The following DLC1 variants were observed in gnomAD, a reference collection of about 807,000 sequenced individuals.
DLC1 encodes the protein DLC1 Rho GTPase activating protein.
DLC1 carries 54 observed loss-of-function variants against 140.3 expected under a neutral mutation model. The observed-to-expected ratio is 0.38, with a 90% CI of 0.31 to 0.48. The LOEUF (loss-of-function observed/expected upper bound fraction) is 0.48. Among genes scored for constraint, DLC1 ranks in the 20% least tolerant of loss-of-function variants. The probability of loss-of-function intolerance (pLI) is 0.96; values close to 1 mark genes in which losing one functional copy is unlikely to be tolerated. For missense variants in DLC1, 2,536 were observed against 1,907.0 expected, an observed-to-expected ratio of 1.33 and a Z score of -6.14; for synonymous variants, 986 against 728.1, an observed-to-expected ratio of 1.35 and a Z score of -5.70.
At chr8:13,576,993 G>T (rs1804863367) in intron 1 of DLC1, among the ~76,000 whole-genome samples, 1 of 152,166 alleles carries the variant, frequency 6.6e-6, no homozygotes, top group Admixed American at 6.5e-5. Flanking sequence ...ACTGTGAAGT[G>T]CTTACTGCTT....
At chr8:13,491,983 A>G (rs922006110) in intron 2 of DLC1, among the ~76,000 whole-genome samples, 5 of 152,202 alleles carry the variant, frequency 3.3e-5, no homozygotes, top group Admixed American at 3.3e-4. Context: ...TTAGTTAGCA[A>G]TGGTGGAATC....
chr8:13,130,319 C>T (rs1821974198), intron 5 of DLC1, among the ~76,000 whole-genome samples: 1 of 152,174 alleles, frequency 6.6e-6, no homozygotes. Flanking sequence ...AATAGTTCTA[C>T]AAATAAGAGT....
At chr8:13,086,176 T>A in intron 17 of DLC1, 114 bp downstream of exon 17, 1 of 1,426,820 alleles carries the variant, frequency 7.0e-7, no homozygotes, top group Non-Finnish European at 9.4e-7. Flanking sequence ...CCATTCTTCA[T>A]GAAGTCACCA....
At chr8:13,428,739 G>A (rs912404303) in intron 2 of DLC1, among the ~76,000 whole-genome samples, 2 of 152,114 alleles carry the variant, frequency 1.3e-5, no homozygotes, top group Middle Eastern at 3.4e-3. Flanking sequence ...GCCATTTAAC[G>A]TGATGGGATA....
At chr8:13,407,585 G>T (rs1170905536) in intron 2 of DLC1, among the ~76,000 whole-genome samples, 1 of 152,174 alleles carries the variant, frequency 6.6e-6, no homozygotes, top group Non-Finnish European at 1.5e-5. Flanking sequence ...ATACCCAGAT[G>T]CTTCCAAATA....
chr8:13,304,855 T>C, intron 5 of DLC1: 3 of 986,018 alleles, frequency 3.0e-6, no homozygotes, highest in Non-Finnish European at 3.6e-6. Flanking sequence ...CACTATATTT[T>C]TGATAGTATG....
intron 5 of DLC1, among the ~76,000 whole-genome samples, chr8:13,178,651 GTT>G (rs35235319): frequency 6.9e-6 from 1 of 145,244 alleles, no homozygotes; most frequent in African/African-American, 2.5e-5. Context: ...GTGGAAGAAG[GTT>G]TTTTTTTTTG....
intron 4 of DLC1, among the ~76,000 whole-genome samples, chr8:13,360,413 C>G (rs748478396): frequency 4.6e-5 from 7 of 152,152 alleles, no homozygotes; most frequent in Non-Finnish European, 8.8e-5. Context: ...ATCACTGTAG[C>G]CAGGGTTGCA....
chr8:13,394,643 G>A (rs1185193873), intron 3 of DLC1, among the ~76,000 whole-genome samples: 1 of 152,114 alleles, frequency 6.6e-6, no homozygotes, highest in African/African-American at 2.4e-5. Context: ...ATATCTCTAT[G>A]TATCCTCTTT....
chr8:13,116,133 A>T (rs969207533), intron 5 of DLC1: 1 of 986,930 alleles, frequency 1.0e-6, no homozygotes, highest in African/African-American at 1.7e-5. Context: ...TGGGTGTTTC[A>T]AAAGCCCCTG....
At chr8:13,282,769 T>A (rs544079634) in intron 5 of DLC1, among the ~76,000 whole-genome samples, 1 of 152,336 alleles carries the variant, frequency 6.6e-6, no homozygotes, top group East Asian at 1.9e-4. Flanking sequence ...TTATGATTAC[T>A]TGAACTGCTT....
chr8:13,249,970 G>C (rs1042287223), intron 5 of DLC1, among the ~76,000 whole-genome samples: 7 of 152,050 alleles, frequency 4.6e-5, no homozygotes, highest in Admixed American at 3.9e-4. Flanking sequence ...AGGATGGCTT[G>C]GGGGGCCTCT....
chr8:13,563,004 T>C (rs1804296200), intron 1 of DLC1, among the ~76,000 whole-genome samples: 2 of 152,088 alleles, frequency 1.3e-5, no homozygotes, highest in South Asian at 2.1e-4. Flanking sequence ...ATTTATATTT[T>C]CAAAACATTT....
At chr8:13,242,576 T>A (rs770799601) in intron 5 of DLC1, among the ~76,000 whole-genome samples, 57 of 152,142 alleles carry the variant, frequency 3.7e-4, no homozygotes, top group Admixed American at 9.2e-4. Flanking sequence ...TAATTTTTTG[T>A]ACAGACAGAG....
intron 4 of DLC1, among the ~76,000 whole-genome samples, chr8:13,373,218 T>G (rs1017410190): frequency 2.0e-5 from 3 of 152,174 alleles, no homozygotes; most frequent in Admixed American, 1.3e-4. Context: ...GACTGAATTA[T>G]GAATCTTTTT....
chr8:13,393,535 T>A lies in DLC1; in HGVS notation c.1314+18A>T. Reference sequence around the variant, plus strand: ...AACATTTACACGTAGAGACTCTCTGTTATTATTTAGAACTCACCGTAGTCT... The same window carrying A: ...AACATTTACACGTAGAGACTCTCTGATATTATTTAGAACTCACCGTAGTCT... On this transcript the variant is annotated intron_variant, in intron 4 of 17. Transcript: ENST00000276297. 6.2e-7 allele frequency: 1 copy of A among 1,609,366 alleles called. No individual in the cohort carries two copies. The highest frequency in any genetic ancestry group is 2.2e-5 in the East Asian group (1 of 44,848).
chr8:13,584,418 T>C (rs1046208766), intron 1 of DLC1: 1 of 152,804 alleles, frequency 6.5e-6, no homozygotes, highest in African/African-American at 2.4e-5. Context: ...CTGCTCCTCA[T>C]CTATGGCAGT....
intron 1 of DLC1, among the ~76,000 whole-genome samples, chr8:13,570,851 C>A (rs188099269): frequency 5.6e-4 from 86 of 152,224 alleles, no homozygotes; most frequent in African/African-American, 2.0e-3. Context: ...TAGAGTCTCC[C>A]CTCTACCCTG....
chr8:13,500,381 T>C lies in DLC1; in HGVS notation c.-125-185A>G, dbSNP rs549515230. 2.6e-5 allele frequency among the ~76,000 whole-genome samples: 4 copies of C among 152,334 alleles called. No individual in the cohort carries two copies. The South Asian group carries it at 8.3e-4, about 32-fold the overall frequency. On this transcript the variant is annotated intron_variant, in intron 1 of 17. Coordinates refer to ENST00000276297, the MANE Select transcript of DLC1 (RefSeq NM_182643.3). ...TACTAGAAGGAAATTTAACATTGAATATTTCTGATAAAAATCATCAGCAAT... is the reference window on the plus strand; with the variant it reads ...TACTAGAAGGAAATTTAACATTGAACATTTCTGATAAAAATCATCAGCAAT...
Sources: gnomAD v4.1 joint callset for allele counts (sites outside exome capture counted in the v4.1 genomes callset) on GRCh38, gnomAD v4.1.1 for gene constraint, MANE v1.5 for transcripts, NCBI Gene and HGNC (gene_info 2026-07-23, HGNC 2026-07-21) for gene names.